Variants in IL18R1 observed in about 807,000 individuals in gnomAD.
The protein encoded by IL18R1 is interleukin 18 receptor 1, also known as interleukin-18 receptor 1.
A neutral mutation model predicts 48.5 loss-of-function variants in IL18R1; 40 were observed. That is an observed-to-expected ratio of 0.82 (90% CI 0.64 to 1.07). The LOEUF is 1.07. Among genes scored for constraint, IL18R1 ranks in the 50% least tolerant of loss-of-function variants. The probability of loss-of-function intolerance (pLI) is 0.00; values close to 1 mark genes in which losing one functional copy is unlikely to be tolerated. For synonymous variants in IL18R1, 232 were observed against 225.9 expected (o/e 1.03, Z -0.24); for missense variants, 596 against 633.7 (o/e 0.94, Z 0.64).
At chr2:102,358,797 T>A (rs1678405792) in intron 1 of IL18R1, among the ~76,000 whole-genome samples, 1 of 152,176 alleles carries the variant, frequency 6.6e-6, no homozygotes, top group South Asian at 2.1e-4. Flanking sequence ...CAAGATATCA[T>A]GCGTTAAAAA....
intron 1 of IL18R1, among the ~76,000 whole-genome samples, chr2:102,360,486 G>A (rs1678510357): frequency 6.6e-6 from 1 of 152,024 alleles, no homozygotes; most frequent in South Asian, 2.1e-4. Context: ...GATGGTCTCA[G>A]TCTCCTGACC....
chr2:102,397,722 T>C lies in IL18R1; in HGVS notation c.*836T>C, dbSNP rs1680895917. 6.6e-6 allele frequency: 1 copy of C among 152,366 alleles called. No homozygotes were observed. The highest frequency in any genetic ancestry group is 1.5e-5 in the Non-Finnish European group (1 of 68,030). 9.4% of individuals were successfully genotyped at this position (152,366 alleles called of 1,614,324 possible). A position where few individuals can be genotyped will look rare whatever the true frequency, so the allele number is the denominator to read the frequency against. ...AGCAAAAAACTGATAGTTACTTGCT[T>C]GTTTTTTAAAAATTACATATTAAAA... On this transcript the variant is annotated 3_prime_UTR_variant, in exon 11 of 11. Transcript: ENST00000233957.
chr2:102,384,949 GA>G lies in IL18R1; in HGVS notation c.764del (p.Asn255MetfsTer13). On this transcript the variant is annotated frameshift_variant, in exon 7 of 11. Coordinates refer to ENST00000233957, the MANE Select transcript of IL18R1 (RefSeq NM_003855.5). LOFTEE classifies it high-confidence loss of function. ...EDVIYWMFGEENGSDPNIHEE... is the reference protein window; with the variant it reads ...EDVIYWMFGEXNGSDPNIHEE... ...TGTAATTTATTGGATGTTCGGGGAA[GA>G]AAATGGATCGGATCCTAATATACAT... The G allele has an allele frequency of 6.2e-7, 1 of 1,607,486 alleles. No individual in the cohort carries two copies. The highest frequency in any genetic ancestry group is 1.3e-5 in the African/African-American group (1 of 74,926).
At chr2:102,370,397 G>A (rs1679181866) in intron 3 of IL18R1, among the ~76,000 whole-genome samples, 1 of 152,176 alleles carries the variant, frequency 6.6e-6, no homozygotes, top group Admixed American at 6.5e-5. Flanking sequence ...ATTCATTGAG[G>A]TCAAAGTTGG....
intron 1 of IL18R1, among the ~76,000 whole-genome samples, chr2:102,359,384 A>G (rs146590293): frequency 7.5e-4 from 114 of 152,358 alleles, no homozygotes; most frequent in African/African-American, 2.7e-3. Context: ...CAATGAAAAC[A>G]TCTCAAAGCA....
intron 1 of IL18R1, among the ~76,000 whole-genome samples, chr2:102,362,228 A>AACAC (rs36213840): frequency 3.3e-5 from 5 of 152,032 alleles, no homozygotes; most frequent in African/African-American, 1.2e-4. Context: ...TTGATGTGAA[A>AACAC]ACACACACAC....
chr2:102,393,113 G>A (rs553620243), intron 9 of IL18R1, among the ~76,000 whole-genome samples: 104 of 152,224 alleles, frequency 6.8e-4, no homozygotes, highest in Admixed American at 2.6e-3. Flanking sequence ...TACATCATAA[G>A]AAAATTATGC....
At chr2:102,395,869 A>G (rs1236095291) in intron 10 of IL18R1, among the ~76,000 whole-genome samples, 2 of 152,204 alleles carry the variant, frequency 1.3e-5, no homozygotes, top group African/African-American at 4.8e-5. Flanking sequence ...AAACACAGCC[A>G]CGCACATTGG....
intron 9 of IL18R1, among the ~76,000 whole-genome samples, chr2:102,391,936 A>G (rs192917437): frequency 4.9e-4 from 74 of 152,260 alleles, no homozygotes; most frequent in Non-Finnish European, 9.9e-4. Context: ...TCTAGGAGCT[A>G]TTTATATTTT....
At chr2:102,367,066 G>C (rs185562160) in intron 2 of IL18R1, among the ~76,000 whole-genome samples, 1 of 152,168 alleles carries the variant, frequency 6.6e-6, no homozygotes, top group Non-Finnish European at 1.5e-5. Flanking sequence ...TTATGAGAAA[G>C]ACCCATTAAT....
intron 3 of IL18R1, among the ~76,000 whole-genome samples, chr2:102,371,392 C>G (rs146021121): frequency 3.7e-3 from 564 of 152,266 alleles, no homozygotes; most frequent in Non-Finnish European, 6.5e-3. Flanking sequence ...TTCACACTCA[C>G]TTTTGGTCAG....
chr2:102,385,404 G>A (rs985653925), intron 7 of IL18R1, among the ~76,000 whole-genome samples: 2 of 152,048 alleles, frequency 1.3e-5, no homozygotes, highest in African/African-American at 4.8e-5. Context: ...GCTCCAAATG[G>A]CATGCATATT....
intron 5 of IL18R1, among the ~76,000 whole-genome samples, chr2:102,379,241 C>T (rs561456021): frequency 4.6e-5 from 7 of 151,962 alleles, no homozygotes; most frequent in East Asian, 1.9e-4. Context: ...GCCAGGAGTT[C>T]GGGACAGGCC....
chr2:102,367,396 C>G (rs1678967921), intron 2 of IL18R1, among the ~76,000 whole-genome samples: 1 of 152,062 alleles, frequency 6.6e-6, no homozygotes, highest in South Asian at 2.1e-4. Flanking sequence ...GGAAGAACGC[C>G]AAGGTTGCTA....
At chr2:102,382,713 A>T (rs1394246893) in intron 6 of IL18R1, among the ~76,000 whole-genome samples, 1 of 152,204 alleles carries the variant, frequency 6.6e-6, no homozygotes, top group Admixed American at 6.5e-5. Flanking sequence ...TCCCCACCTT[A>T]TAACCACAGT....
intron 2 of IL18R1, among the ~76,000 whole-genome samples, chr2:102,363,198 G>GT (rs58513522): frequency 0.44 from 64,975 of 147,960 alleles, 15,601 homozygotes; most frequent in African/African-American, 0.65. Flanking sequence ...ATTGCCTAGA[G>GT]TTTTTTTTTT....
chr2:102,371,169 C>T (rs1559621869), intron 3 of IL18R1, among the ~76,000 whole-genome samples: 1 of 151,912 alleles, frequency 6.6e-6, no homozygotes. Context: ...TCCCGAGTAG[C>T]TGGGATTACC....
At position 102,396,511 on chromosome 2, in the gene IL18R1, G is replaced by A; in HGVS notation, c.1271-20G>A. 7.1e-7 allele frequency: 1 copy of A among 1,399,710 alleles called. No homozygotes were observed. Among genetic ancestry groups the A allele is most frequent in the Non-Finnish European group, 9.9e-7 (1 of 1,005,138 alleles). 86.7% of individuals were successfully genotyped at this position (1,399,710 alleles called of 1,614,324 possible). ...CCTTTCAGTTATCTTAAATTAATAG[G>A]GGTTATCTTGCATTTTCAGCTGTTG... On this transcript the variant is annotated intron_variant, in intron 10 of 10. Coordinates refer to ENST00000233957, the MANE Select transcript of IL18R1 (RefSeq NM_003855.5).
chr2:102,372,419 T>A (rs1207475752), intron 4 of IL18R1, among the ~76,000 whole-genome samples: 1 of 152,264 alleles, frequency 6.6e-6, no homozygotes, highest in African/African-American at 2.4e-5. Context: ...TTAGGAATGC[T>A]AGTTTAAGGA....
Sources: allele counts gnomAD v4.1 joint callset (sites outside exome capture counted in the v4.1 genomes callset), GRCh38; gene constraint gnomAD v4.1.1; transcripts MANE v1.5; gene names NCBI Gene and HGNC (gene_info 2026-07-23, HGNC 2026-07-21).